Variants in THOC2 observed in about 807,000 individuals in gnomAD.
The protein encoded by THOC2 is THO complex 2.
Under a neutral mutation model 128.4 loss-of-function variants are expected in THOC2, and 10 were observed. That is an observed-to-expected ratio of 0.08 (90% CI 0.05 to 0.13). THOC2 has a LOEUF of 0.13. Among genes scored for constraint, THOC2 ranks in the 10% least tolerant of loss-of-function variants. The pLI is 1.00. For synonymous variants in THOC2, 393 were observed against 396.9 expected (o/e 0.99, Z 0.12); for missense variants, 535 against 1,155.7 (o/e 0.46, Z 7.79).
At chrX:123,691,966 A>G (rs371147765) in intron 7 of THOC2, among the ~76,000 whole-genome samples, 1 of 112,108 alleles carries the variant, frequency 8.9e-6, no homozygotes, top group Non-Finnish European at 1.9e-5. Context: ...TTTTTACACT[A>G]CAATGGCAGA....
chrX:123,665,036 T>C (rs2048994490), intron 12 of THOC2, among the ~76,000 whole-genome samples: 1 of 111,581 alleles, frequency 9.0e-6, no homozygotes, highest in East Asian at 2.8e-4. Flanking sequence ...GTCTGAAGTA[T>C]ATTTTCCCAT....
intron 8 of THOC2, among the ~76,000 whole-genome samples, chrX:123,685,669 G>C (rs918025137): frequency 8.9e-6 from 1 of 111,916 alleles, no homozygotes; most frequent in African/African-American, 3.2e-5. Context: ...GCCACATTTA[G>C]AAGTTTGAAT....
chrX:123,631,881 C>A, intron 21 of THOC2, 29 bp from the exon 22 acceptor site: 1 of 1,147,066 alleles, frequency 8.7e-7, no homozygotes, highest in Non-Finnish European at 1.2e-6. Context: ...ACAAAATCAA[C>A]ATATTTTCCA....
chrX:123,630,128 G>A (rs2047418738), intron 22 of THOC2, among the ~76,000 whole-genome samples: 1 of 111,842 alleles, frequency 8.9e-6, no homozygotes, highest in Admixed American at 9.4e-5. Flanking sequence ...GCTATACTTC[G>A]TATTTACCCA....
chrX:123,670,094 C>CCTTTT (rs2049210549), intron 9 of THOC2, among the ~76,000 whole-genome samples: 1 of 111,972 alleles, frequency 8.9e-6, no homozygotes, highest in Non-Finnish European at 1.9e-5. Context: ...TTAAATTTTC[C>CCTTTT]CTTTTCTGTC....
chrX:123,677,082 T>C (rs1227654485), intron 8 of THOC2, among the ~76,000 whole-genome samples: 3 of 112,074 alleles, frequency 2.7e-5, no homozygotes, highest in Non-Finnish European at 5.6e-5. Flanking sequence ...TATGGAATAC[T>C]CTATGGCTCC....
chrX:123,685,945 C>A (rs2049984773), intron 8 of THOC2, among the ~76,000 whole-genome samples: 1 of 111,491 alleles, frequency 9.0e-6, no homozygotes, highest in Non-Finnish European at 1.9e-5. Context: ...GTAGTCCCAG[C>A]TACTTGGGAG....
chrX:123,707,085 ATT>A (rs1310296809), intron 2 of THOC2, 136 bp from the exon 3 acceptor site: 4 of 307,822 alleles, frequency 1.3e-5, no homozygotes, highest in East Asian at 5.1e-5. Context: ...TCCTCTAGCA[ATT>A]TTTTCTTTTA....
At position 123,663,499 on chromosome X, in the gene THOC2, G is replaced by T. The variant is rs1267383645; in HGVS notation, c.1386+2143C>A. Among the ~76,000 whole-genome samples the T allele has an allele frequency of 4.8e-5, 5 of 105,017 alleles. No individual in the cohort carries two copies. In the East Asian group the frequency reaches 1.5e-3, roughly 32 times the overall value. 91.2% of individuals were successfully genotyped at this position (105,017 alleles called of 115,157 possible). ...TGTCAAAACTCATAAAATTGTAGAA[G>T]TTTACTGTATTTAAATTATACCTCA... On this transcript the variant is annotated intron_variant, in intron 12 of 38. Transcript: ENST00000245838.
chrX:123,618,048 G>GTA (rs765721386), intron 33 of THOC2, among the ~76,000 whole-genome samples: 8 of 111,420 alleles, frequency 7.2e-5, no homozygotes, highest in African/African-American at 9.8e-5. Flanking sequence ...ATAAATAGCG[G>GTA]TATATAATTC....
At chrX:123,691,657 G>A in intron 7 of THOC2, among the ~76,000 whole-genome samples, 1 of 111,913 alleles carries the variant, frequency 8.9e-6, no homozygotes, top group Non-Finnish European at 1.9e-5. Context: ...TGAAGGTCTT[G>A]AGGTTTGGTG....
chrX:123,644,618 T>C lies in THOC2; in HGVS notation c.1618A>G (p.Lys540Glu). ...CTGTCTATTGTTTGAGCTTTAACTT[T>C]TACTAAAAGTGGGTGACTGTTATAA... Reference protein sequence around the residue: ...ETYNSHPLLVKVKAQTIDRAK... With the variant: ...ETYNSHPLLVEVKAQTIDRAK... Residue 540 changes from lysine (K) to glutamate (E), a missense_variant, in exon 15 of 39, where the codon AAA (lysine) becomes GAA (glutamate). Coordinates refer to ENST00000245838, the MANE Select transcript of THOC2 (RefSeq NM_001081550.2). The C allele has an allele frequency of 2.5e-6, 3 of 1,205,429 alleles. No homozygotes were observed.
rs1228050501 is a variant in THOC2, at chrX:123,667,109, C to T, written c.1187G>A (p.Arg396Gln). 1.1e-5 allele frequency: 13 copies of T among 1,175,089 alleles called. No individual in the cohort carries two copies. The highest frequency in any genetic ancestry group is 1.3e-5 in the Non-Finnish European group (11 of 876,732). ...AATAAAGTATAAAGTTACATACCTT[C>T]GGTAGAGAGGCTCAATAGTTATATG... Reference protein sequence around the residue: ...LIHITIEPLYRRVGVPKGAKG... With the variant: ...LIHITIEPLYQRVGVPKGAKG... Residue 396 changes from arginine (R) to glutamine (Q), a missense_variant, in exon 11 of 39, where the codon CGA becomes CAA. Transcript: ENST00000245838.
At chrX:123,663,623 G>T (rs781243603) in intron 12 of THOC2, among the ~76,000 whole-genome samples, 5 of 100,156 alleles carry the variant, frequency 5.0e-5, no homozygotes, top group African/African-American at 1.4e-4. Flanking sequence ...GTACTATTCT[G>T]TTTTTTTTTT....
At chrX:123,679,110 T>G (rs967527922) in intron 8 of THOC2, among the ~76,000 whole-genome samples, 2 of 111,072 alleles carry the variant, frequency 1.8e-5, no homozygotes, top group African/African-American at 6.6e-5. Flanking sequence ...GCGTTCTCTC[T>G]CCCATCTTAA....
At chrX:123,701,647 T>C (rs2071404804) in intron 4 of THOC2, among the ~76,000 whole-genome samples, 1 of 107,779 alleles carries the variant, frequency 9.3e-6, no homozygotes. Flanking sequence ...AAATTTATAG[T>C]AAAAATATTT....
chrX:123,620,971 A>G lies in THOC2; in HGVS notation c.4217-6T>C. 1 of 1,207,396 alleles carries G rather than the reference A, an allele frequency of 8.3e-7. No individual in the cohort carries two copies. ...AATTTTGCGGCGTTTTTGTTCTGTT[A>G]AGACAAAAAGAAATAGTCAGAATAA... is the stretch of plus-strand genomic sequence containing the variant. On this transcript the variant is annotated splice_region_variant and splice_polypyrimidine_tract_variant and intron_variant, in intron 31 of 38. Coordinates refer to ENST00000245838, the MANE Select transcript of THOC2 (RefSeq NM_001081550.2).
chrX:123,636,103 G>A lies in THOC2; in HGVS notation c.1994C>T (p.Ala665Val), dbSNP rs756271382. Residue 665 changes from alanine to valine, a missense_variant, in exon 19 of 39, where the codon GCC (alanine) becomes GTC (valine). Coordinates refer to ENST00000245838, the MANE Select transcript of THOC2 (RefSeq NM_001081550.2). ...CCTTTTGCCCGCCTTTAGCTGATTG[G>A]CAACATACTGAAGAAGACCAGCAAG... is the stretch of plus-strand genomic sequence containing the variant. ...IDLAGLLQYV[A>V]NQLKAGKSFD... 1 of 1,208,278 alleles carries A rather than the reference G, an allele frequency of 8.3e-7. No individual in the cohort carries two copies. The highest frequency in any genetic ancestry group is 2.2e-5 in the Admixed American group (1 of 45,854).
intron 18 of THOC2, among the ~76,000 whole-genome samples, chrX:123,636,376 A>G (rs1398640225): frequency 8.9e-6 from 1 of 112,022 alleles, no homozygotes; most frequent in Non-Finnish European, 1.9e-5. Flanking sequence ...TATAATGATT[A>G]TCTCATTTAA....
Sources: allele counts gnomAD v4.1 joint callset (sites outside exome capture counted in the v4.1 genomes callset), GRCh38; gene constraint gnomAD v4.1.1; transcripts MANE v1.5; gene names NCBI Gene and HGNC (gene_info 2026-07-23, HGNC 2026-07-21).